C1QTNF3: variants seen among roughly 807,000 people sequenced by gnomAD.
C1QTNF3 encodes C1q and TNF related 3, also known as complement C1q tumor necrosis factor-related protein 3.
C1QTNF3 carries 26 observed loss-of-function variants against 32.6 expected under a neutral mutation model. The ratio of observed to expected loss-of-function variants is 0.80; its 90% CI spans 0.58 to 1.11. The LOEUF (loss-of-function observed/expected upper bound fraction) is 1.11, where lower values mean the gene tolerates loss of function less well. Among genes scored for constraint, C1QTNF3 ranks in the 50% least tolerant of loss-of-function variants. C1QTNF3 has a pLI of 0.00. For missense variants in C1QTNF3, 362 were observed against 398.2 expected (o/e 0.91, Z 0.77); for synonymous variants, 155 against 146.0 (o/e 1.06, Z -0.44).
At chr5:34,024,203 C>G in intron 4 of C1QTNF3, 195 bp from the exon 5 acceptor site, 1 of 535,640 alleles carries the variant, frequency 1.9e-6, no homozygotes, top group Non-Finnish European at 3.4e-6. Context: ...AATGTGTACA[C>G]TGTGTATCCC....
chr5:34,024,278 G>A (rs1754409241), intron 4 of C1QTNF3: 2 of 362,124 alleles, frequency 5.5e-6, no homozygotes, highest in Non-Finnish European at 1.1e-5. Flanking sequence ...TCACTGCCTT[G>A]TACCCTGACA....
chr5:34,089,893 C>T, the C1QTNF3 span, among the ~76,000 whole-genome samples: 2 of 152,168 alleles, frequency 1.3e-5, no homozygotes, highest in Admixed American at 6.5e-5. Context: ...AAGGACTTCA[C>T]ATTCATTGTA....
the C1QTNF3 span, among the ~76,000 whole-genome samples, chr5:34,050,543 G>C: frequency 6.6e-6 from 1 of 151,884 alleles, no homozygotes; most frequent in Non-Finnish European, 1.5e-5. Context: ...ACCTGTCCTG[G>C]GAAGGCCTCT....
At chr5:34,207,661 C>G in the C1QTNF3 span, among the ~76,000 whole-genome samples, 1 of 152,096 alleles carries the variant, frequency 6.6e-6, no homozygotes, top group Non-Finnish European at 1.5e-5. Context: ...CTTAAGCTCA[C>G]TATCTACCTA....
the C1QTNF3 span, among the ~76,000 whole-genome samples, chr5:34,179,508 A>G: frequency 6.6e-6 from 1 of 150,886 alleles, no homozygotes; most frequent in East Asian, 1.9e-4. Flanking sequence ...CAAACAAACA[A>G]AAAGAAAGAA....
rs150948951 is a variant in C1QTNF3, at chr5:34,018,257, A to G, written c.*2326T>C. ...GTGAGTTTTTTAAATAAAAATATAT[A>G]TATTTAAATATAACACTTCAAACAT... On this transcript the variant is annotated 3_prime_UTR_variant, in exon 6 of 6. Coordinates refer to ENST00000382065, the MANE Select transcript of C1QTNF3 (RefSeq NM_181435.6). 4.6e-3 allele frequency among the ~76,000 whole-genome samples: 697 copies of G among 152,122 alleles called. 3 individuals are homozygous for G. Among genetic ancestry groups the G allele is most frequent in the Middle Eastern group, 0.014 (4 of 294 alleles).
Position 34,033,429 on chromosome 5 carries a change from C to T in C1QTNF3, c.445G>A (p.Ala149Thr), listed in dbSNP as rs772524434. The T allele has an allele frequency of 5.0e-6, 8 of 1,614,068 alleles. No homozygotes were observed. The highest frequency in any genetic ancestry group is 1.3e-5 in the African/African-American group (1 of 74,922). The change falls in exon 3 of 6, where the codon GCC (alanine) becomes ACC (threonine). Residue 149 changes from alanine (A) to threonine (T), a missense_variant. Physicochemically the swap from Ala to Thr is moderately conservative, Grantham distance 58. Transcript: ENST00000382065. ...GNHGNNGNNG[A>T]TGHEGAKGEK... ...CCTTTGGCTCCTTCATGACCAGTGG[C>T]TCCATTGTTGCCATTGTTTCCATGG...
chr5:34,102,504 T>C, the C1QTNF3 span, among the ~76,000 whole-genome samples: 1 of 152,144 alleles, frequency 6.6e-6, no homozygotes, highest in African/African-American at 2.4e-5. Flanking sequence ...TAAGGTTTTT[T>C]CAACTTGTGG....
At chr5:34,167,699 C>A in the C1QTNF3 span, 1 of 152,132 alleles carries the variant, frequency 6.6e-6, no homozygotes. Flanking sequence ...ATATACAACC[C>A]AAATGGGAAA....
chr5:34,042,737 T>A, intron 1 of C1QTNF3, 86 bp downstream of exon 1: 1 of 1,347,860 alleles, frequency 7.4e-7, no homozygotes, highest in Non-Finnish European at 1.0e-6. Flanking sequence ...TCTAAGAATC[T>A]TAGCCAAAAA....
chr5:34,032,725 G>T (rs181926582), intron 3 of C1QTNF3, among the ~76,000 whole-genome samples: 25 of 152,298 alleles, frequency 1.6e-4, no homozygotes, highest in African/African-American at 6.0e-4. Flanking sequence ...AAACCCACGA[G>T]GAAGAGGTTG....
the C1QTNF3 span, among the ~76,000 whole-genome samples, chr5:34,089,262 T>C: frequency 2.0e-5 from 3 of 152,152 alleles, no homozygotes; most frequent in East Asian, 5.8e-4. Context: ...AATCTACTTC[T>C]GTGATTTCAA....
At chr5:34,066,965 T>C in the C1QTNF3 span, among the ~76,000 whole-genome samples, 49 of 152,286 alleles carry the variant, frequency 3.2e-4, no homozygotes, top group African/African-American at 1.1e-3. Context: ...CTTGAACACT[T>C]TGCTGCTTAG....
At chr5:34,041,327 G>A (rs1323920894) in intron 1 of C1QTNF3, among the ~76,000 whole-genome samples, 3 of 152,200 alleles carry the variant, frequency 2.0e-5, no homozygotes, top group African/African-American at 7.2e-5. Context: ...AGAAGGTAGA[G>A]TGAAGGAGAA....
chr5:34,029,025 T>C, intron 3 of C1QTNF3, 142 bp from the exon 4 acceptor site: 1 of 609,974 alleles, frequency 1.6e-6, no homozygotes, highest in Non-Finnish European at 2.7e-6. Flanking sequence ...ACAAATAAAT[T>C]ATGGTAATTC....
chr5:34,034,742 C>A (rs916556919), intron 2 of C1QTNF3, among the ~76,000 whole-genome samples: 1 of 152,120 alleles, frequency 6.6e-6, no homozygotes, highest in Non-Finnish European at 1.5e-5. Flanking sequence ...TTACAAGGGT[C>A]GAAGTAGGCC....
the C1QTNF3 span, among the ~76,000 whole-genome samples, chr5:34,116,804 C>A: frequency 5.3e-5 from 8 of 152,012 alleles, no homozygotes; most frequent in Admixed American, 3.3e-4. Context: ...CCATGTTGGC[C>A]GGGCTGGTTT....
chr5:34,103,503 G>A, the C1QTNF3 span, among the ~76,000 whole-genome samples: 7 of 149,300 alleles, frequency 4.7e-5, no homozygotes, highest in Non-Finnish European at 8.9e-5. Flanking sequence ...TTTCAACGAT[G>A]TCTTATCTTT....
At chr5:34,136,370 A>G in the C1QTNF3 span, among the ~76,000 whole-genome samples, 1 of 152,256 alleles carries the variant, frequency 6.6e-6, no homozygotes, top group South Asian at 2.1e-4. Flanking sequence ...AAAAGAAGAC[A>G]TTTATGCAGC....
Sources: gnomAD v4.1 joint callset for allele counts (sites outside exome capture counted in the v4.1 genomes callset) on GRCh38, gnomAD v4.1.1 for gene constraint, MANE v1.5 for transcripts, NCBI Gene and HGNC (gene_info 2026-07-23, HGNC 2026-07-21) for gene names.